The following SLIT3 variants were observed in gnomAD, a reference collection of about 807,000 sequenced individuals.
SLIT3 encodes the protein slit guidance ligand 3.
In SLIT3, 68 loss-of-function variants were observed where a neutral mutation model predicts 184.0. The observed-to-expected ratio is 0.37, with a 90% CI of 0.30 to 0.45. The LOEUF is 0.45. Among genes scored for constraint, SLIT3 ranks in the 20% least tolerant of loss-of-function variants. SLIT3 has a pLI of 1.00. For synonymous variants in SLIT3, 831 were observed against 828.6 expected, an observed-to-expected ratio of 1.00 and a Z score of -0.05; for missense variants, 1,707 against 2,026.0, an observed-to-expected ratio of 0.84 and a Z score of 3.02.
chr5:168,758,607 A>T (rs1272730833), intron 16 of SLIT3, among the ~76,000 whole-genome samples: 1 of 152,196 alleles, frequency 6.6e-6, no homozygotes, highest in East Asian at 1.9e-4. Flanking sequence ...CCCTTCTCTC[A>T]GCTGGCCCCC....
intron 1 of SLIT3, among the ~76,000 whole-genome samples, chr5:169,261,852 G>A (rs937670896): frequency 5.3e-5 from 8 of 152,176 alleles, no homozygotes; most frequent in African/African-American, 1.4e-4. Flanking sequence ...GGCAATGCCC[G>A]TCTTGCTATA....
intron 26 of SLIT3, chr5:168,707,580 G>A (rs908082580): frequency 5.8e-6 from 1 of 172,790 alleles, no homozygotes; most frequent in African/African-American, 2.4e-5. Flanking sequence ...TGAGGGTGGG[G>A]TTTGGCAGGG....
chr5:169,196,388 C>T (rs1271692328), intron 3 of SLIT3, among the ~76,000 whole-genome samples: 1 of 152,124 alleles, frequency 6.6e-6, no homozygotes, highest in Non-Finnish European at 1.5e-5. Context: ...ACCTCAGTTT[C>T]AGATCTGCAA....
intron 4 of SLIT3, among the ~76,000 whole-genome samples, chr5:169,147,048 T>C (rs952672815): frequency 2.0e-5 from 3 of 152,212 alleles, no homozygotes; most frequent in Non-Finnish European, 4.4e-5. Flanking sequence ...ATTGTTATTG[T>C]CTGTCATACT....
chr5:168,740,367 G>A (rs1397376314), intron 20 of SLIT3, among the ~76,000 whole-genome samples: 3 of 152,162 alleles, frequency 2.0e-5, no homozygotes, highest in Non-Finnish European at 4.4e-5. Flanking sequence ...GCATTGCTGG[G>A]GTCTTGCATG....
At chr5:168,802,116 G>A (rs1258289767) in intron 9 of SLIT3, among the ~76,000 whole-genome samples, 3 of 150,702 alleles carry the variant, frequency 2.0e-5, no homozygotes, top group Admixed American at 6.6e-5. Flanking sequence ...TATATGGGTG[G>A]CCATGGACAA....
At chr5:168,767,068 T>C (rs1408791039) in intron 14 of SLIT3, among the ~76,000 whole-genome samples, 1 of 152,216 alleles carries the variant, frequency 6.6e-6, no homozygotes, top group Non-Finnish European at 1.5e-5. Flanking sequence ...AATATCCTCA[T>C]CTGTAAAGTG....
At chr5:168,728,277 CATATATAT>C (rs3061738) in intron 20 of SLIT3, among the ~76,000 whole-genome samples, 2 of 141,014 alleles carry the variant, frequency 1.4e-5, no homozygotes, top group African/African-American at 5.2e-5. Context: ...TAATCAACAA[CATATATAT>C]ATATATATAT....
chr5:169,156,165 A>G (rs1266365857), intron 4 of SLIT3, among the ~76,000 whole-genome samples: 1 of 152,238 alleles, frequency 6.6e-6, no homozygotes, highest in Admixed American at 6.5e-5. Context: ...TGAGATGCCC[A>G]GGTCATTCTC....
At chr5:168,843,307 G>A (rs767082751) in intron 6 of SLIT3, among the ~76,000 whole-genome samples, 1 of 152,098 alleles carries the variant, frequency 6.6e-6, no homozygotes, top group African/African-American at 2.4e-5. Context: ...GTGGAGGGAG[G>A]ACCTTTCACT....
chr5:169,236,639 T>C (rs994552104), intron 3 of SLIT3, among the ~76,000 whole-genome samples: 2 of 151,872 alleles, frequency 1.3e-5, no homozygotes, highest in Non-Finnish European at 2.9e-5. Flanking sequence ...CCTGGATAAT[T>C]TGTTGTATTT....
chr5:168,944,332 T>C (rs1036328580), intron 4 of SLIT3, among the ~76,000 whole-genome samples: 2 of 151,788 alleles, frequency 1.3e-5, no homozygotes, highest in East Asian at 1.9e-4. Context: ...GGAAGAGAGG[T>C]GGAGAGTCAG....
chr5:168,829,648 G>T (rs898888303), intron 6 of SLIT3, among the ~76,000 whole-genome samples: 1 of 151,836 alleles, frequency 6.6e-6, no homozygotes, highest in Admixed American at 6.6e-5. Context: ...ACAAATGTGG[G>T]CATCCAATGG....
chr5:168,696,218 T>C lies in SLIT3; in HGVS notation c.3082+74A>G, dbSNP rs548134111. Reference sequence around the variant, plus strand: ...CTCAGGGAGAGAGGAAGAGAGTCCCTGGAGGAAGTTAAGAAAATGGTATTC... The same window carrying C: ...CTCAGGGAGAGAGGAAGAGAGTCCCCGGAGGAAGTTAAGAAAATGGTATTC... On this transcript the variant is annotated intron_variant, in intron 28 of 35. Transcript: ENST00000519560. 4.0e-5 allele frequency: 62 copies of C among 1,553,754 alleles called. 1 individual carries two copies. In the South Asian group the frequency reaches 6.7e-4, roughly 17 times the overall value.
At chr5:168,679,304 T>C (rs1020465463) in intron 32 of SLIT3, among the ~76,000 whole-genome samples, 1 of 152,166 alleles carries the variant, frequency 6.6e-6, no homozygotes, top group Non-Finnish European at 1.5e-5. Context: ...GCGATCCTCC[T>C]GCCTTGGCTT....
chr5:169,081,335 C>G (rs1759041570), intron 4 of SLIT3, among the ~76,000 whole-genome samples: 2 of 152,176 alleles, frequency 1.3e-5, no homozygotes, highest in African/African-American at 2.4e-5. Flanking sequence ...AGCGGGGCAG[C>G]TGGGCCTCTG....
At chr5:168,895,737 A>G (rs1760637575) in intron 4 of SLIT3, among the ~76,000 whole-genome samples, 1 of 152,206 alleles carries the variant, frequency 6.6e-6, no homozygotes, top group Non-Finnish European at 1.5e-5. Context: ...ACACCTGTGG[A>G]TGTGCTGATA....
chr5:168,953,152 G>A (rs1006831817), intron 4 of SLIT3, among the ~76,000 whole-genome samples: 3 of 152,166 alleles, frequency 2.0e-5, no homozygotes, highest in African/African-American at 7.2e-5. Context: ...GCCTAGTTGG[G>A]AACAGGACTC....
At chr5:168,846,010 C>A (rs1758449123) in intron 5 of SLIT3, among the ~76,000 whole-genome samples, 1 of 152,164 alleles carries the variant, frequency 6.6e-6, no homozygotes, top group Non-Finnish European at 1.5e-5. Context: ...CTTTGGGAAC[C>A]CTCTTCCAGG....
Sources: gnomAD v4.1 joint callset for allele counts (sites outside exome capture counted in the v4.1 genomes callset) on GRCh38, gnomAD v4.1.1 for gene constraint, MANE v1.5 for transcripts, NCBI Gene and HGNC (gene_info 2026-07-23, HGNC 2026-07-21) for gene names.